Variants in DAPK2 observed in about 807,000 individuals in gnomAD.
DAPK2 encodes death-associated protein kinase 2.
In DAPK2, 35 loss-of-function variants were observed where a neutral mutation model predicts 44.1. The ratio of observed to expected loss-of-function variants is 0.79; its 90% CI spans 0.61 to 1.05. The LOEUF is 1.05. DAPK2 is among the 50% of genes least tolerant of loss of function. The pLI is 0.00. For missense variants in DAPK2, 453 were observed against 483.2 expected (o/e 0.94, Z 0.59); for synonymous variants, 174 against 182.6 (o/e 0.95, Z 0.38).
intron 7 of DAPK2, 152 bp from the exon 9 acceptor site, chr15:63,925,013 C>T (rs2079199833): frequency 1.2e-6 from 1 of 818,328 alleles, no homozygotes; most frequent in Non-Finnish European, 2.0e-6. Context: ...TGGATGGGAG[C>T]TGGCTGCAAA....
chr15:63,910,884 T>A lies in DAPK2; in HGVS notation c.1032+1024A>T, dbSNP rs1189086279. 2.6e-5 allele frequency: 4 copies of A among 152,206 alleles called. No individual in the cohort carries two copies. In the East Asian group the frequency reaches 7.7e-4, roughly 29 times the overall value. The allele number at this position is 152,206 out of a possible 1,614,324, so 9.4% of individuals were successfully genotyped here. On this transcript the variant is annotated intron_variant, in intron 10 of 10. Coordinates refer to ENST00000261891, the Ensembl canonical transcript of DAPK2. The stretch of plus-strand genomic sequence containing the variant: ...ACAGGAAGGTTTTAAACAACAACAA[T>A]TGCTAACGCTTACTGAGCACTTACA...
chr15:64,039,959 A>G (rs1402764807), intron 1 of DAPK2, among the ~76,000 whole-genome samples: 2 of 152,218 alleles, frequency 1.3e-5, no homozygotes, highest in African/African-American at 4.8e-5. Context: ...ACAGAACTCA[A>G]CAATTCTCAT....
chr15:63,933,897 A>AT (rs889399348), intron 4 of DAPK2, among the ~76,000 whole-genome samples: 8 of 150,826 alleles, frequency 5.3e-5, no homozygotes, highest in South Asian at 2.1e-4. Context: ...TTCCAGCTGA[A>AT]TTTTTTTTTT....
At chr15:63,996,830 T>C (rs932579324) in intron 1 of DAPK2, among the ~76,000 whole-genome samples, 1 of 152,304 alleles carries the variant, frequency 6.6e-6, no homozygotes, top group African/African-American at 2.4e-5. Context: ...GCCAAGTTCA[T>C]TGTAGAGCAA....
At chr15:64,046,373 C>CGCGGCGGGAGCGGCGGGCGCGGCGGGA (rs1483264188), upstream of DAPK2, 1 of 781,136 alleles carries the variant, frequency 1.3e-6, no homozygotes, top group African/African-American at 2.0e-5. This position sits in a 1 kb window ranked among gnomAD's most constrained non-coding sequence, Gnocchi z 5.3. Context: ...GCGCGGCGGG[C>CGCGGCGGGAGCGGCGGGCGCGGCGGGA]GCGGCGGGCG....
chr15:63,955,462 C>G (rs1028037694), intron 3 of DAPK2, among the ~76,000 whole-genome samples: 1 of 152,036 alleles, frequency 6.6e-6, no homozygotes, highest in Non-Finnish European at 1.5e-5. Context: ...GTGTTTTTGT[C>G]TGGTTTTGGT....
chr15:63,950,435 C>T (rs2077556747), intron 3 of DAPK2, among the ~76,000 whole-genome samples: 1 of 151,326 alleles, frequency 6.6e-6, no homozygotes, highest in African/African-American at 2.4e-5. Flanking sequence ...CCAGGCTGGT[C>T]TCAAACTCCT....
intron 1 of DAPK2, among the ~76,000 whole-genome samples, chr15:64,024,567 C>T (rs1244437023): frequency 2.0e-5 from 3 of 152,164 alleles, no homozygotes; most frequent in Non-Finnish European, 4.4e-5. Context: ...TGCAAAGCAC[C>T]AAGGAGCTCA....
At chr15:64,016,745 A>T (rs1342038314) in intron 1 of DAPK2, among the ~76,000 whole-genome samples, 1 of 151,704 alleles carries the variant, frequency 6.6e-6, no homozygotes, top group East Asian at 1.9e-4. Flanking sequence ...ATGAGCCATG[A>T]CTATGCTACT....
At position 63,908,496 on chromosome 15, in the gene DAPK2, G is replaced by C; in HGVS notation, c.*24C>G. On this transcript the variant is annotated 3_prime_UTR_variant, in exon 11 of 11. Transcript: ENST00000261891. The surrounding 1 kb of genome is among the most constrained non-coding windows in gnomAD (Gnocchi z 5.7). ...AGCCCCGCTGGGCCCAGACCTCCCT[G>C]GCGGCCACTGCAGGTCAGGCCAGTT... 6.5e-7 allele frequency: 1 copy of C among 1,530,454 alleles called. No homozygotes were observed. The highest frequency in any genetic ancestry group is 8.9e-7 in the Non-Finnish European group (1 of 1,128,278). The allele number at this position is 1,530,454 out of a possible 1,614,324, so 94.8% of individuals were successfully genotyped here. A position where few individuals can be genotyped will look rare whatever the true frequency, so the allele number is the denominator to read the frequency against.
At chr15:63,940,373 G>A (rs1030330286) in intron 3 of DAPK2, among the ~76,000 whole-genome samples, 1 of 151,760 alleles carries the variant, frequency 6.6e-6, no homozygotes, top group Admixed American at 6.6e-5. Flanking sequence ...ATGTGAATTC[G>A]ATTTGGCCAT....
intron 1 of DAPK2, among the ~76,000 whole-genome samples, chr15:63,989,214 A>C (rs2078751477): frequency 7.1e-6 from 1 of 141,670 alleles, no homozygotes; most frequent in Non-Finnish European, 1.5e-5. Flanking sequence ...AAAAAAAGCC[A>C]GGCAAGGTGG....
At chr15:64,009,952 T>G (rs1331814875) in intron 1 of DAPK2, among the ~76,000 whole-genome samples, 1 of 152,180 alleles carries the variant, frequency 6.6e-6, no homozygotes, top group Non-Finnish European at 1.5e-5. Context: ...AAAGGCTTGT[T>G]CTAGGCAGCC....
intron 4 of DAPK2, among the ~76,000 whole-genome samples, chr15:63,938,007 T>C (rs2077209674): frequency 6.6e-6 from 1 of 152,162 alleles, no homozygotes; most frequent in Admixed American, 6.5e-5. Context: ...TGTCATACAG[T>C]AGGTGACAAA....
At chr15:63,959,715 G>A (rs997181227) in intron 3 of DAPK2, among the ~76,000 whole-genome samples, 12 of 152,204 alleles carry the variant, frequency 7.9e-5, no homozygotes, top group Admixed American at 7.2e-4. Flanking sequence ...CAACTTGATT[G>A]TGGTGGATAA....
At chr15:63,944,460 TG>T (rs1434028832) in intron 3 of DAPK2, among the ~76,000 whole-genome samples, 1 of 152,230 alleles carries the variant, frequency 6.6e-6, no homozygotes, top group Non-Finnish European at 1.5e-5. Context: ...TCCTTCTTGC[TG>T]TCCCAAGCTC....
chr15:64,036,564 G>A (rs897914569), intron 1 of DAPK2, among the ~76,000 whole-genome samples: 8 of 151,522 alleles, frequency 5.3e-5, no homozygotes, highest in East Asian at 2.0e-4. Context: ...TCCTTTTGCC[G>A]TTTTGAACTT....
chr15:63,968,202 T>C (rs2078109250), intron 3 of DAPK2, among the ~76,000 whole-genome samples: 1 of 152,214 alleles, frequency 6.6e-6, no homozygotes, highest in Non-Finnish European at 1.5e-5. Flanking sequence ...CCAGGAAACA[T>C]GTACCCGATC....
At chr15:63,988,556 G>GT (rs1430151930) in intron 1 of DAPK2, among the ~76,000 whole-genome samples, 1 of 150,496 alleles carries the variant, frequency 6.6e-6, no homozygotes, top group African/African-American at 2.5e-5. Flanking sequence ...CCAGGATGGA[G>GT]TACGGTGGCG....
Sources: gnomAD v4.1 joint callset for allele counts (sites outside exome capture counted in the v4.1 genomes callset) on GRCh38, gnomAD v4.1.1 for gene constraint, Gnocchi (gnomAD v3.1) non-coding constraint, MANE v1.5 for transcripts, NCBI Gene and HGNC (gene_info 2026-07-23, HGNC 2026-07-21) for gene names.